MARCHF1: variants seen among roughly 807,000 people sequenced by gnomAD.
MARCHF1 encodes the protein E3 ubiquitin-protein ligase MARCHF1.
A neutral mutation model predicts 54.2 loss-of-function variants in MARCHF1; 40 were observed. The observed-to-expected ratio is 0.74, with a 90% CI of 0.57 to 0.96. MARCHF1 has a LOEUF of 0.96. Among genes scored for constraint, MARCHF1 ranks in the 40% least tolerant of loss-of-function variants. MARCHF1 has a pLI of 0.00. For synonymous variants in MARCHF1, 236 were observed against 236.3 expected, an observed-to-expected ratio of 1.00 and a Z score of 0.01; for missense variants, 586 against 656.5, an observed-to-expected ratio of 0.89 and a Z score of 1.17.
intron 1 of MARCHF1, among the ~76,000 whole-genome samples, chr4:164,307,783 C>G (rs910761488): frequency 9.9e-5 from 15 of 152,136 alleles, no homozygotes; most frequent in Non-Finnish European, 1.8e-4. Context: ...ACAGGCACAA[C>G]AAAATTAAAC....
intron 5 of MARCHF1, among the ~76,000 whole-genome samples, chr4:163,683,401 A>C (rs1021704549): frequency 1.9e-4 from 29 of 152,212 alleles, no homozygotes; most frequent in Non-Finnish European, 3.8e-4. Flanking sequence ...GTTACCTCCC[A>C]CCCATTCCCT....
intron 5 of MARCHF1, among the ~76,000 whole-genome samples, chr4:163,617,688 A>G (rs930021056): frequency 6.6e-6 from 1 of 152,118 alleles, no homozygotes; most frequent in Non-Finnish European, 1.5e-5. Flanking sequence ...ATGTATGGCC[A>G]TAGAATCTAA....
At chr4:164,183,818 G>C (rs974264961) in intron 1 of MARCHF1, among the ~76,000 whole-genome samples, 1 of 152,128 alleles carries the variant, frequency 6.6e-6, no homozygotes, top group African/African-American at 2.4e-5. Flanking sequence ...GGATTGTATG[G>C]GAGCATATAA....
intron 2 of MARCHF1, among the ~76,000 whole-genome samples, chr4:164,065,312 A>G (rs994243795): frequency 6.6e-6 from 1 of 152,182 alleles, no homozygotes; most frequent in Non-Finnish European, 1.5e-5. Context: ...AAAGACTTAA[A>G]TGTAAAACCC....
intron 1 of MARCHF1, chr4:164,197,094 A>C (rs1368473514): frequency 1.9e-6 from 3 of 1,606,006 alleles, no homozygotes; most frequent in Non-Finnish European, 2.6e-6. Context: ...AACCTTCTTC[A>C]TCCTCCTCGT....
At chr4:163,538,097 A>C (rs1040296763) in intron 9 of MARCHF1, among the ~76,000 whole-genome samples, 3 of 152,198 alleles carry the variant, frequency 2.0e-5, no homozygotes, top group African/African-American at 7.2e-5. Context: ...CCAGAACCAG[A>C]AATTTCAGTC....
At chr4:164,208,601 G>A (rs1731677121) in intron 1 of MARCHF1, among the ~76,000 whole-genome samples, 1 of 152,184 alleles carries the variant, frequency 6.6e-6, no homozygotes, top group African/African-American at 2.4e-5. Context: ...AAATGATCAA[G>A]CAAGAGAGAA....
At position 163,538,927 on chromosome 4, in the gene MARCHF1, G is replaced by A. The variant is rs554499837; in HGVS notation, c.1339+6669C>T. On this transcript the variant is annotated intron_variant, in intron 9 of 9. Transcript: ENST00000514618. ...GTCATATGACCTGCTTTGGCCAATAGGACAATAGGAAACACAACTCATTCG... is the reference window on the plus strand; with the variant it reads ...GTCATATGACCTGCTTTGGCCAATAAGACAATAGGAAACACAACTCATTCG... 7.9e-5 allele frequency among the ~76,000 whole-genome samples: 12 copies of A among 152,252 alleles called. No homozygotes were observed. The South Asian group carries it at 2.5e-3, about 32-fold the overall frequency.
At chr4:163,953,257 A>G (rs1311044649) in intron 3 of MARCHF1, among the ~76,000 whole-genome samples, 1 of 152,162 alleles carries the variant, frequency 6.6e-6, no homozygotes, top group Non-Finnish European at 1.5e-5. Flanking sequence ...CATCGTGGCT[A>G]CTGTGATACA....
At chr4:164,287,681 C>A (rs1233798013) in intron 1 of MARCHF1, among the ~76,000 whole-genome samples, 2 of 152,128 alleles carry the variant, frequency 1.3e-5, no homozygotes, top group Non-Finnish European at 2.9e-5. Context: ...GTGGTAGAAG[C>A]AGTGCTGGGA....
At chr4:163,698,672 TA>T in intron 5 of MARCHF1, among the ~76,000 whole-genome samples, 1 of 152,192 alleles carries the variant, frequency 6.6e-6, no homozygotes, top group East Asian at 1.9e-4. Context: ...TTTGATTTCT[TA>T]AAGCATTAAA....
At chr4:164,093,273 C>T (rs1755342375) in intron 2 of MARCHF1, among the ~76,000 whole-genome samples, 1 of 151,964 alleles carries the variant, frequency 6.6e-6, no homozygotes, top group African/African-American at 2.4e-5. Flanking sequence ...AATTACCATC[C>T]CTTGAAATTA....
At chr4:164,056,468 C>T (rs190896091) in intron 2 of MARCHF1, among the ~76,000 whole-genome samples, 1 of 152,272 alleles carries the variant, frequency 6.6e-6, no homozygotes, top group Non-Finnish European at 1.5e-5. Flanking sequence ...TTACTTCCTG[C>T]GCCAATCCTC....
chr4:163,812,292 A>C (rs1748411196), intron 4 of MARCHF1, among the ~76,000 whole-genome samples: 1 of 150,858 alleles, frequency 6.6e-6, no homozygotes, highest in African/African-American at 2.4e-5. Flanking sequence ...TATATTATAT[A>C]TATAATACAT....
At chr4:163,913,169 T>G (rs1452427067) in intron 3 of MARCHF1, among the ~76,000 whole-genome samples, 1 of 152,178 alleles carries the variant, frequency 6.6e-6, no homozygotes, top group Non-Finnish European at 1.5e-5. Flanking sequence ...TCTCCTTACC[T>G]AGCCAAAATG....
chr4:164,152,852 G>A (rs1729977758), intron 1 of MARCHF1, among the ~76,000 whole-genome samples: 1 of 152,072 alleles, frequency 6.6e-6, no homozygotes, highest in South Asian at 2.1e-4. Context: ...ACCAGAAAAT[G>A]TTTAAATTTA....
chr4:164,327,980 C>T (rs1016188054), intron 1 of MARCHF1, among the ~76,000 whole-genome samples: 1 of 152,092 alleles, frequency 6.6e-6, no homozygotes, highest in Non-Finnish European at 1.5e-5. Flanking sequence ...GCACCTGAGT[C>T]CCAGGAGAGA....
At chr4:163,948,251 TC>T (rs1752063119) in intron 3 of MARCHF1, among the ~76,000 whole-genome samples, 1 of 152,224 alleles carries the variant, frequency 6.6e-6, no homozygotes, top group Non-Finnish European at 1.5e-5. Flanking sequence ...TCAGGTAATA[TC>T]ATTAGCTAGA....
chr4:164,229,513 A>T (rs999151633), intron 1 of MARCHF1, among the ~76,000 whole-genome samples: 1 of 152,202 alleles, frequency 6.6e-6, no homozygotes. Context: ...ACAGGGTTTC[A>T]GTCTGTCACT....
Sources: allele counts gnomAD v4.1 joint callset (sites outside exome capture counted in the v4.1 genomes callset), GRCh38; gene constraint gnomAD v4.1.1; transcripts MANE v1.5; gene names NCBI Gene and HGNC (gene_info 2026-07-23, HGNC 2026-07-21).